The following PTPRS variants were observed in gnomAD, a reference collection of about 807,000 sequenced individuals.
PTPRS encodes the protein receptor-type tyrosine-protein phosphatase S.
Under a neutral mutation model 215.3 loss-of-function variants are expected in PTPRS, and 63 were observed. That is an observed-to-expected ratio of 0.29 (90% CI 0.24 to 0.36). The LOEUF (loss-of-function observed/expected upper bound fraction) is 0.36, where lower values mean the gene tolerates loss of function less well. Ranked by LOEUF, PTPRS falls within the 10% of genes least tolerant of loss-of-function variation. The pLI is 1.00. For synonymous variants in PTPRS, 1,404 were observed against 1,191.4 expected (o/e 1.18, Z -3.68); for missense variants, 2,258 against 2,825.8 (o/e 0.80, Z 4.56).
chr19:5,238,225 G>C (rs374872810), intron 13 of PTPRS, among the ~76,000 whole-genome samples: 1 of 152,130 alleles, frequency 6.6e-6, no homozygotes, highest in African/African-American at 2.4e-5. Context: ...AGGGAGAGAG[G>C]GTGGCGGTGA....
At chr19:5,307,630 C>T (rs907611941) in intron 1 of PTPRS, among the ~76,000 whole-genome samples, 4 of 152,186 alleles carry the variant, frequency 2.6e-5, no homozygotes, top group Non-Finnish European at 4.4e-5. Context: ...TCTAGATAAA[C>T]TGCGCTCTTC....
At chr19:5,268,828 A>T (rs1015304826) in intron 4 of PTPRS, among the ~76,000 whole-genome samples, 1 of 152,204 alleles carries the variant, frequency 6.6e-6, no homozygotes, top group African/African-American at 2.4e-5. Flanking sequence ...GGCCTGGCTG[A>T]GCTCAGAAGA....
chr19:5,299,871 GAAATA>G (rs1276102300), intron 1 of PTPRS, among the ~76,000 whole-genome samples: 2 of 151,526 alleles, frequency 1.3e-5, no homozygotes, highest in African/African-American at 2.4e-5. Flanking sequence ...ACTCTGCTTC[GAAATA>G]AAATAAAATA....
Position 5,215,562 on chromosome 19 carries a change from T to G in PTPRS, c.4130A>C (p.Asp1377Ala). ...GAGCCGCTCCGTGTGCTCCGCCATG[T>G]CTGCGATGGGAATTGGCGGGTGGCT... ...MLSHPPIPIA[D>A]MAEHTERLKA... The change falls in exon 27 of 38, where the codon GAC becomes GCC. Residue 1377 changes from aspartate (D) to alanine (A), a missense_variant. This residue lies in a region of PTPRS where 927 missense variants were observed against 1,125.9 expected (regional missense o/e 0.82). Transcript: ENST00000262963. The G allele has an allele frequency of 6.2e-7, 1 of 1,611,100 alleles. No homozygotes were observed. Among genetic ancestry groups the G allele is most frequent in the Non-Finnish European group, 8.5e-7 (1 of 1,178,114 alleles).
chr19:5,231,595 CTT>C lies in PTPRS; in HGVS notation c.1868_1869del (p.Gln623ArgfsTer3). The C allele has an allele frequency of 2.6e-6, 4 of 1,533,392 alleles. No homozygotes were observed. Among genetic ancestry groups the C allele is most frequent in the Non-Finnish European group, 3.5e-6 (4 of 1,147,598 alleles). The allele number at this position is 1,533,392 out of a possible 1,614,324, so 95.0% of individuals were successfully genotyped here. On this transcript the variant is annotated frameshift_variant, in exon 14 of 38. Transcript: ENST00000262963. LOFTEE classifies it high-confidence loss of function. The part of the protein sequence containing the change: ...TLQSKPSAPP[Q>X]DVKCVSVRST... Reference sequence around the variant, plus strand: ...GAGCGCACGCTGACACATTTAACGTCTTGAGGGGGGGCTGACGGTTCTATTGG... The same window carrying C: ...GAGCGCACGCTGACACATTTAACGTCGAGGGGGGGCTGACGGTTCTATTGG...
intron 2 of PTPRS, 78 bp from the exon 3 acceptor site, chr19:5,274,422 C>CA (rs2047183028): frequency 3.4e-6 from 5 of 1,475,178 alleles, no homozygotes; most frequent in Non-Finnish European, 3.7e-6. Flanking sequence ...CCACGAAAAC[C>CA]TGCATTCCAT....
intron 2 of PTPRS, chr19:5,277,843 A>C (rs1033554949): frequency 2.0e-5 from 16 of 814,756 alleles, no homozygotes; most frequent in Admixed American, 3.5e-5. Flanking sequence ...TAACTGGGGG[A>C]AACCCAGAGG....
intron 9 of PTPRS, among the ~76,000 whole-genome samples, chr19:5,252,830 G>A (rs897387667): frequency 7.5e-6 from 1 of 133,620 alleles, no homozygotes; most frequent in African/African-American, 2.9e-5. Flanking sequence ...CCGAGATCAC[G>A]TCAATGCACT....
intron 1 of PTPRS, among the ~76,000 whole-genome samples, chr19:5,302,255 T>C (rs80018700): frequency 0.24 from 35,784 of 151,968 alleles, 4,748 homozygotes; most frequent in African/African-American, 0.35. Flanking sequence ...TCCCAACTAC[T>C]TGGGAGGCTG....
At chr19:5,332,715 T>C (rs6510849) in intron 1 of PTPRS, among the ~76,000 whole-genome samples, 27,680 of 152,230 alleles carry the variant, frequency 0.18, 3,476 homozygotes, top group African/African-American at 0.36. Flanking sequence ...CTGTGTGGTC[T>C]TGGGCAAGTT....
Position 5,281,010 on chromosome 19 carries a change from G to A in PTPRS, c.91+5040C>T, listed in dbSNP as rs566850305. Reference sequence around the variant, plus strand: ...TTTCAGCATGTTGGCCAGGCTGGTCGCGAACTCCTGACCTCAAATGATCCA... The same window carrying A: ...TTTCAGCATGTTGGCCAGGCTGGTCACGAACTCCTGACCTCAAATGATCCA... On this transcript the variant is annotated intron_variant, in intron 2 of 37. Transcript: ENST00000262963. Among the ~76,000 whole-genome samples the A allele has an allele frequency of 2.2e-4, 34 of 151,596 alleles. No individual in the cohort carries two copies. The South Asian group carries it at 2.5e-3, about 11-fold the overall frequency.
At chr19:5,304,752 C>T (rs1050799312) in intron 1 of PTPRS, among the ~76,000 whole-genome samples, 2 of 152,058 alleles carry the variant, frequency 1.3e-5, no homozygotes, top group South Asian at 2.1e-4. Context: ...GGAGAAATTG[C>T]GCTGGGCTGG....
intron 2 of PTPRS, among the ~76,000 whole-genome samples, chr19:5,282,797 C>CAA (rs553419452): frequency 0.079 from 8,963 of 113,956 alleles, 324 homozygotes; most frequent in Middle Eastern, 0.14. Flanking sequence ...GACTTCATCT[C>CAA]AAAAAAAAAA....
In PTPRS at chr19:5,208,027, G is replaced by C; in HGVS notation, c.5673C>G (p.Ile1891Met). 6.2e-7 allele frequency: 1 copy of C among 1,613,784 alleles called. No individual in the cohort carries two copies. The highest frequency in any genetic ancestry group is 1.7e-5 in the Admixed American group (1 of 60,020). ...TCCGCTCCAGCACGATGCTAAGCGT[G>C]ATGAAGACGCCCGTCCTGCCCACGC... ...SAGVGRTGVF[I>M]TLSIVLERMR... Residue 1891 changes from isoleucine (I) to methionine (M), a missense_variant, in exon 37 of 38, where the codon ATC (isoleucine) becomes ATG (methionine). Transcript: ENST00000262963.
In PTPRS at chr19:5,257,622, G is replaced by A. The variant is rs1035130522; in HGVS notation, c.706+395C>T. 1.6e-4 allele frequency among the ~76,000 whole-genome samples: 24 copies of A among 152,116 alleles called. No individual in the cohort carries two copies. Among genetic ancestry groups the A allele is most frequent in the Admixed American group, 1.2e-3 (18 of 15,282 alleles). ...GCCAGCACACAGCACGGGAAGGCAC[G>A]ACACACCACAGAAGCCAACTCGGGT... On this transcript the variant is annotated intron_variant, in intron 8 of 37. Coordinates refer to ENST00000262963, the MANE Select transcript of PTPRS (RefSeq NM_002850.4). This position sits in a 1 kb window ranked among gnomAD's most constrained non-coding sequence, Gnocchi z 4.4.
At chr19:5,337,714 C>T (rs911198006) in intron 1 of PTPRS, among the ~76,000 whole-genome samples, 1 of 152,184 alleles carries the variant, frequency 6.6e-6, no homozygotes, top group Non-Finnish European at 1.5e-5. Context: ...GTGATGGCTC[C>T]AGGTCTCCCC....
Position 5,208,278 on chromosome 19 carries a change from C to T in PTPRS, c.5601G>A (p.Lys1867=). 2 of 1,613,454 alleles carry T rather than the reference C, an allele frequency of 1.2e-6. No homozygotes were observed. The highest frequency in any genetic ancestry group is 8.5e-7 in the Non-Finnish European group (1 of 1,179,624). The change falls in exon 36 of 38, where the codon AAG becomes AAA. Residue 1867 remains lysine, a synonymous_variant. Transcript: ENST00000262963. ...TGGGGCCGTCCTGGCCAAACTGCTC[C>T]TTAGTCTTATGCACTTGGCCAATGA... ...IDFIGQVHKT[K]EQFGQDGPIS...
intron 9 of PTPRS, among the ~76,000 whole-genome samples, chr19:5,250,362 GCCCGGTTTGGTGCTGGCACCCA>G (rs1417121771): frequency 6.6e-6 from 1 of 152,176 alleles, no homozygotes; most frequent in Non-Finnish European, 1.5e-5. Flanking sequence ...GCTGTGTTCT[GCCCGGTTTGGTGCTGGCACCCA>G]CCCATGTCAT....
intron 1 of PTPRS, chr19:5,292,825 G>C (rs550823578): frequency 1.3e-5 from 2 of 152,406 alleles, no homozygotes; most frequent in African/African-American, 4.8e-5. Flanking sequence ...CCCGCGCCTG[G>C]CTCCGCCCCC....
Sources: allele counts gnomAD v4.1 joint callset (sites outside exome capture counted in the v4.1 genomes callset), GRCh38; gene constraint gnomAD v4.1.1; regional missense constraint gnomAD v4.1.1; non-coding constraint Gnocchi (gnomAD v3.1); transcripts MANE v1.5; gene names NCBI Gene and HGNC (gene_info 2026-07-23, HGNC 2026-07-21).